CYBB: variants seen among roughly 807,000 people sequenced by gnomAD.
CYBB encodes the protein NADPH oxidase 2.
Under a neutral mutation model 46.5 loss-of-function variants are expected in CYBB, and 5 were observed. The ratio of observed to expected loss-of-function variants is 0.11; its 90% CI spans 0.06 to 0.23. The LOEUF is 0.23. CYBB is among the 10% of genes least tolerant of loss of function. CYBB has a pLI of 1.00. For missense variants in CYBB, 307 were observed against 428.3 expected, an observed-to-expected ratio of 0.72 and a Z score of 2.50; for synonymous variants, 183 against 156.7, an observed-to-expected ratio of 1.17 and a Z score of -1.26.
At chrX:37,798,552 A>G (rs1556469039) in intron 6 of CYBB, among the ~76,000 whole-genome samples, 1 of 112,073 alleles carries the variant, frequency 8.9e-6, no homozygotes, top group African/African-American at 3.2e-5. Context: ...CCCTTTGCTT[A>G]TATCTTCATA....
chrX:37,806,083 G>A (rs782405847), intron 10 of CYBB, among the ~76,000 whole-genome samples: 1 of 111,912 alleles, frequency 8.9e-6, no homozygotes, highest in Non-Finnish European at 1.9e-5. Context: ...GAAGAGGTTC[G>A]AAGGAAGCCA....
chrX:37,782,634 A>G, intron 2 of CYBB, among the ~76,000 whole-genome samples: 1 of 111,677 alleles, frequency 9.0e-6, no homozygotes, highest in Non-Finnish European at 1.9e-5. Flanking sequence ...CTCTACATAT[A>G]AAGACTCGAG....
intron 4 of CYBB, 27 bp downstream of exon 4, chrX:37,792,086 C>T (rs782583545): frequency 2.0e-6 from 2 of 1,002,838 alleles, no homozygotes; most frequent in South Asian, 1.9e-5. Context: ...AAACTTGGAA[C>T]CAGGGAGTTC....
intron 1 of CYBB, 48 bp from the exon 2 acceptor site, chrX:37,782,040 C>T: frequency 9.7e-7 from 1 of 1,025,698 alleles, no homozygotes; most frequent in South Asian, 1.9e-5. Context: ...TGTGTGGAAT[C>T]TACTGTGGAA....
intron 10 of CYBB, among the ~76,000 whole-genome samples, chrX:37,806,074 A>C (rs1556471529): frequency 1.8e-5 from 2 of 111,954 alleles, no homozygotes; most frequent in African/African-American, 6.5e-5. Context: ...GCTTTCTGAG[A>C]AGAGGTTCGA....
intron 1 of CYBB, among the ~76,000 whole-genome samples, 182 bp downstream of exon 1, chrX:37,780,304 C>T (rs189068653): frequency 1.2e-3 from 134 of 111,773 alleles, no homozygotes; most frequent in Non-Finnish European, 2.2e-3. Context: ...ATGGAAAGAA[C>T]ATATCTGGGG....
chrX:37,799,799 T>C (rs1929399164), intron 7 of CYBB, among the ~76,000 whole-genome samples: 1 of 111,994 alleles, frequency 8.9e-6, no homozygotes, highest in East Asian at 2.8e-4. Flanking sequence ...CATTGGCAGA[T>C]GGTATACTTT....
chrX:37,799,192 A>T, intron 7 of CYBB, 108 bp downstream of exon 7: 4 of 769,481 alleles, frequency 5.2e-6, no homozygotes, highest in East Asian at 3.3e-5. Flanking sequence ...TCCATTACAA[A>T]TGTCATGGAA....
intron 2 of CYBB, 104 bp downstream of exon 2, chrX:37,782,287 C>A: frequency 1.7e-6 from 1 of 575,486 alleles, no homozygotes; most frequent in Non-Finnish European, 3.0e-6. Flanking sequence ...TTCTGACCAA[C>A]CCAAACAGTA....
In CYBB at chrX:37,810,979, T is replaced by G; in HGVS notation, c.*62T>G. ...CTGCCAAATGCTCAAATAATGCTAA[T>G]TGATAATATAAATACCCCCTGCTTA... On this transcript the variant is annotated 3_prime_UTR_variant, in exon 13 of 13. Transcript: ENST00000378588. 1 of 1,054,018 alleles carries G rather than the reference T, an allele frequency of 9.5e-7. No homozygotes were observed. 86.9% of individuals were successfully genotyped at this position (1,054,018 alleles called of 1,213,427 possible).
At chrX:37,807,580 G>A (rs1556472114) in intron 11 of CYBB, among the ~76,000 whole-genome samples, 2 of 110,503 alleles carry the variant, frequency 1.8e-5, no homozygotes. Flanking sequence ...CTCAGACCAG[G>A]TTAGGTCATT....
intron 1 of CYBB, 56 bp from the exon 2 acceptor site, chrX:37,782,032 T>C: frequency 1.0e-6 from 1 of 973,950 alleles, no homozygotes; most frequent in Non-Finnish European, 1.5e-6. Context: ...TCCAGTCTTG[T>C]GTGGAATCTA....
chrX:37,791,115 A>G (rs1348429723), intron 3 of CYBB, among the ~76,000 whole-genome samples: 1 of 111,496 alleles, frequency 9.0e-6, no homozygotes, highest in Non-Finnish European at 1.9e-5. Flanking sequence ...GAAATATCAG[A>G]ATGTTTATAT....
chrX:37,781,122 G>A (rs1255106895), intron 1 of CYBB, among the ~76,000 whole-genome samples: 9 of 112,486 alleles, frequency 8.0e-5, no homozygotes, highest in African/African-American at 2.6e-4. Context: ...CTGCAACAGA[G>A]AATTCTTCCG....
rs1431551072 is a variant in CYBB at position 37,783,431 on chromosome X, G to A, written c.142-59G>A. ...CATGCTAAGAACCTTGGGGAAGTGG[G>A]GACAGGGCATATTCTGTGCTCAAAA... On this transcript the variant is annotated intron_variant, in intron 2 of 12. Coordinates refer to ENST00000378588, the MANE Select transcript of CYBB (RefSeq NM_000397.4). 20 of 756,641 alleles carry A rather than the reference G, an allele frequency of 2.6e-5. No homozygotes were observed. In the African/African-American group the frequency reaches 2.7e-4, roughly 10 times the overall value. The allele number at this position is 756,641 out of a possible 1,213,427, so 62.4% of individuals were successfully genotyped here. A position where few individuals can be genotyped will look rare whatever the true frequency, so the allele number is the denominator to read the frequency against.
intron 3 of CYBB, among the ~76,000 whole-genome samples, chrX:37,784,252 C>A (rs781787805): frequency 1.8e-5 from 2 of 111,937 alleles, no homozygotes; most frequent in South Asian, 7.3e-4. Flanking sequence ...AGATGACAAA[C>A]AAGGAACTTA....
chrX:37,806,335 G>A, intron 10 of CYBB, 52 bp from the exon 11 acceptor site: 1 of 1,177,911 alleles, frequency 8.5e-7, no homozygotes, highest in Non-Finnish European at 1.2e-6. Context: ...ACATGGTAAT[G>A]CTGATAGGGC....
chrX:37,802,713 C>T (rs1929470592), intron 8 of CYBB, among the ~76,000 whole-genome samples: 2 of 112,078 alleles, frequency 1.8e-5, no homozygotes, highest in South Asian at 3.6e-4. Flanking sequence ...GTTCTGGAAA[C>T]GTTTGACATT....
intron 3 of CYBB, among the ~76,000 whole-genome samples, chrX:37,791,528 T>A (rs1556466953): frequency 8.9e-6 from 1 of 111,755 alleles, no homozygotes; most frequent in Non-Finnish European, 1.9e-5. Context: ...CCTAGAACAG[T>A]GTTGTTTGAA....
Sources: allele counts gnomAD v4.1 joint callset (sites outside exome capture counted in the v4.1 genomes callset), GRCh38; gene constraint gnomAD v4.1.1; transcripts MANE v1.5; gene names NCBI Gene and HGNC (gene_info 2026-07-23, HGNC 2026-07-21).